CENPW: variants seen among roughly 807,000 people sequenced by gnomAD.
CENPW encodes centromere protein W, also known as cancer-up-regulated gene 2 protein.
In CENPW, 3 loss-of-function variants were observed where a neutral mutation model predicts 11.1. The observed-to-expected ratio is 0.27, with a 90% CI of 0.12 to 0.70. The LOEUF (loss-of-function observed/expected upper bound fraction) is 0.70. Among genes scored for constraint, CENPW ranks in the 30% least tolerant of loss-of-function variants. CENPW has a pLI of 0.77. For missense variants in CENPW, 100 were observed against 105.6 expected (o/e 0.95, Z 0.23); for synonymous variants, 38 against 42.0 (o/e 0.91, Z 0.37).
chr6:126,445,030 T>C, the CENPW span, among the ~76,000 whole-genome samples: 10 of 151,204 alleles, frequency 6.6e-5, no homozygotes, highest in Non-Finnish European at 1.3e-4. Flanking sequence ...CAGCAAATTA[T>C]GTTGGTCAAG....
chr6:126,411,884 C>T, the CENPW span, among the ~76,000 whole-genome samples: 2 of 150,780 alleles, frequency 1.3e-5, no homozygotes, highest in African/African-American at 4.9e-5. Flanking sequence ...TCCTTCCGTC[C>T]TTCCTACCTT....
At chr6:126,383,687 A>C in the CENPW span, among the ~76,000 whole-genome samples, 2 of 152,206 alleles carry the variant, frequency 1.3e-5, no homozygotes, top group East Asian at 1.9e-4. Context: ...AGGGCATTAC[A>C]TAATGATGAA....
chr6:126,467,700 T>C, the CENPW span, among the ~76,000 whole-genome samples: 1 of 152,282 alleles, frequency 6.6e-6, no homozygotes, highest in African/African-American at 2.4e-5. Flanking sequence ...TTGTAAATAA[T>C]TTATGCAGAT....
rs559604525 is a variant in CENPW, at chr6:126,346,329, A to G, written c.240+11A>G. On this transcript the variant is annotated intron_variant, in intron 2 of 2. Coordinates refer to ENST00000368328, the MANE Select transcript of CENPW (RefSeq NM_001012507.4). ...CTGGCCGCAGCAAAGGTAAAATCCA[A>G]ATTTCTTTTCTCGAGCAAGAATTAA... 6.5e-7 allele frequency: 1 copy of G among 1,548,058 alleles called. No individual in the cohort carries two copies. Among genetic ancestry groups the G allele is most frequent in the African/African-American group, 1.4e-5 (1 of 73,738 alleles).
At chr6:126,467,440 A>T in the CENPW span, among the ~76,000 whole-genome samples, 1 of 152,160 alleles carries the variant, frequency 6.6e-6, no homozygotes, top group Non-Finnish European at 1.5e-5. Context: ...CGAAGTAAGG[A>T]AATGCTAAAC....
chr6:126,400,132 T>C, the CENPW span, among the ~76,000 whole-genome samples: 72 of 152,182 alleles, frequency 4.7e-4, no homozygotes, highest in Non-Finnish European at 8.8e-4. Flanking sequence ...GGAAGGCAAA[T>C]GCTTGCTTAT....
chr6:126,475,980 T>C, the CENPW span, among the ~76,000 whole-genome samples: 3 of 151,834 alleles, frequency 2.0e-5, no homozygotes, highest in Non-Finnish European at 2.9e-5. Context: ...AGGCCACTTA[T>C]AGTGAATTAA....
At chr6:126,376,654 C>T in the CENPW span, among the ~76,000 whole-genome samples, 3 of 152,090 alleles carry the variant, frequency 2.0e-5, no homozygotes, top group East Asian at 5.8e-4. Context: ...TAGGAATGCA[C>T]ATTTGTTAGA....
the CENPW span, among the ~76,000 whole-genome samples, chr6:126,364,955 T>A: frequency 2.0e-5 from 3 of 152,210 alleles, no homozygotes; most frequent in Non-Finnish European, 4.4e-5. Flanking sequence ...TATTCATAAA[T>A]CAAGAAACTA....
the CENPW span, among the ~76,000 whole-genome samples, chr6:126,364,519 C>T: frequency 6.6e-6 from 1 of 152,046 alleles, no homozygotes; most frequent in Non-Finnish European, 1.5e-5. Flanking sequence ...TATATTTTTT[C>T]AGTGTTCACT....
the CENPW span, among the ~76,000 whole-genome samples, chr6:126,394,931 A>C: frequency 6.6e-6 from 1 of 151,716 alleles, no homozygotes; most frequent in African/African-American, 2.4e-5. Context: ...TGCCGGACGT[A>C]TTGGAACTCC....
At chr6:126,411,394 A>T in the CENPW span, among the ~76,000 whole-genome samples, 1 of 152,074 alleles carries the variant, frequency 6.6e-6, no homozygotes, top group South Asian at 2.1e-4. Context: ...AGCTGGAGGG[A>T]TCCCTCCTAA....
chr6:126,369,328 T>A, the CENPW span, among the ~76,000 whole-genome samples: 1 of 152,202 alleles, frequency 6.6e-6, no homozygotes, highest in East Asian at 1.9e-4. Context: ...AAATGGTAGT[T>A]CTACTTTTCA....
At chr6:126,400,549 T>C in the CENPW span, among the ~76,000 whole-genome samples, 2 of 152,184 alleles carry the variant, frequency 1.3e-5, no homozygotes, top group East Asian at 3.9e-4. Context: ...TGTTGTTCTC[T>C]TAGCTACCTG....
At chr6:126,453,095 A>G in the CENPW span, among the ~76,000 whole-genome samples, 1,508 of 151,188 alleles carry the variant, frequency 1.0e-2, 20 homozygotes, top group African/African-American at 0.035. Context: ...ATGAAGGGAA[A>G]CTAAGGGATG....
At chr6:126,410,721 C>T in the CENPW span, among the ~76,000 whole-genome samples, 4 of 151,660 alleles carry the variant, frequency 2.6e-5, no homozygotes, top group African/African-American at 9.7e-5. Flanking sequence ...TAATTTTAAA[C>T]CTCTTAAATT....
chr6:126,374,344 T>C, the CENPW span, among the ~76,000 whole-genome samples: 1 of 152,200 alleles, frequency 6.6e-6, no homozygotes, highest in African/African-American at 2.4e-5. Flanking sequence ...CAGTGGCTCT[T>C]TAAAATTGAG....
the CENPW span, among the ~76,000 whole-genome samples, chr6:126,437,423 C>T: frequency 6.6e-6 from 1 of 151,836 alleles, no homozygotes; most frequent in Non-Finnish European, 1.5e-5. Context: ...AGGCCATGGC[C>T]CTTATAACTT....
At chr6:126,478,764 T>A in the CENPW span, among the ~76,000 whole-genome samples, 7 of 152,124 alleles carry the variant, frequency 4.6e-5, no homozygotes, top group South Asian at 1.4e-3. Flanking sequence ...CTAAAAATGA[T>A]GGCTCACAGC....
Sources: gnomAD v4.1 joint callset for allele counts (sites outside exome capture counted in the v4.1 genomes callset) on GRCh38, gnomAD v4.1.1 for gene constraint, MANE v1.5 for transcripts, NCBI Gene and HGNC (gene_info 2026-07-23, HGNC 2026-07-21) for gene names.